Variants in KLF8 observed in about 807,000 individuals in gnomAD.
The protein encoded by KLF8 is Krueppel-like factor 8.
A neutral mutation model predicts 18.2 loss-of-function variants in KLF8; 10 were observed. The observed-to-expected ratio is 0.55, with a 90% CI of 0.34 to 0.93. KLF8 has a LOEUF of 0.93. Ranked by LOEUF, KLF8 falls within the 40% of genes least tolerant of loss-of-function variation. The pLI, the probability that KLF8 is intolerant of heterozygous loss-of-function variation, is 0.02. For synonymous variants in KLF8, 109 were observed against 97.3 expected (o/e 1.12, Z -0.71); for missense variants, 264 against 277.9 (o/e 0.95, Z 0.36).
At chrX:56,129,964 C>A in the KLF8 span, among the ~76,000 whole-genome samples, 1 of 110,760 alleles carries the variant, frequency 9.0e-6, no homozygotes, top group Non-Finnish European at 1.9e-5. Context: ...GGGAGCATTA[C>A]TCCATTGACA....
the KLF8 span, among the ~76,000 whole-genome samples, chrX:55,913,355 A>G: frequency 9.0e-6 from 1 of 111,586 alleles, no homozygotes; most frequent in African/African-American, 3.3e-5. Flanking sequence ...TCAGAATGTG[A>G]CTATTTGGAG....
chrX:56,284,840 T>C lies in KLF8; in HGVS notation c.*346T>C, dbSNP rs1200598166. ...CTCAAGGCTGTGAACAAACATACGC[T>C]GCTTTATTCTTTCCAATTTTTCTCT... On this transcript the variant is annotated 3_prime_UTR_variant, in exon 6 of 6. Coordinates refer to ENST00000468660, the MANE Select transcript of KLF8 (RefSeq NM_007250.5). The C allele has an allele frequency of 5.6e-6, 1 of 179,532 alleles. No individual in the cohort carries two copies. Among genetic ancestry groups the C allele is most frequent in the Non-Finnish European group, 1.0e-5 (1 of 97,473 alleles). 14.8% of individuals were successfully genotyped at this position (179,532 alleles called of 1,213,427 possible). A position where few individuals can be genotyped will look rare whatever the true frequency, so the allele number is the denominator to read the frequency against.
At chrX:56,040,455 C>A in the KLF8 span, among the ~76,000 whole-genome samples, 2 of 110,746 alleles carry the variant, frequency 1.8e-5, no homozygotes, top group South Asian at 7.4e-4. Context: ...ATTTTATCGA[C>A]AGCCTTATCT....
At chrX:56,141,926 T>A in the KLF8 span, among the ~76,000 whole-genome samples, 3 of 112,071 alleles carry the variant, frequency 2.7e-5, no homozygotes, top group Non-Finnish European at 5.6e-5. Context: ...CTCTCATGAA[T>A]GCTATGTTTT....
chrX:56,189,260 A>G, the KLF8 span, among the ~76,000 whole-genome samples: 3 of 112,427 alleles, frequency 2.7e-5, no homozygotes, highest in African/African-American at 9.7e-5. Context: ...GCCAAAAAAC[A>G]CATGAAAAAA....
At chrX:55,929,985 T>C in the KLF8 span, among the ~76,000 whole-genome samples, 2 of 110,930 alleles carry the variant, frequency 1.8e-5, no homozygotes, top group Non-Finnish European at 3.8e-5. Flanking sequence ...TATGGCCATT[T>C]TCACGATATT....
chrX:55,975,151 T>C, the KLF8 span, among the ~76,000 whole-genome samples: 1 of 111,500 alleles, frequency 9.0e-6, no homozygotes, highest in African/African-American at 3.3e-5. Context: ...CAGGGTGGTC[T>C]GGCCTCTGTG....
At chrX:56,248,678 G>T (rs1395865312) in intron 1 of KLF8, among the ~76,000 whole-genome samples, 1 of 111,498 alleles carries the variant, frequency 9.0e-6, no homozygotes, top group Non-Finnish European at 1.9e-5. Flanking sequence ...CTCTCCTGGC[G>T]TTTTGGTGCC....
chrX:56,185,456 T>C, the KLF8 span, among the ~76,000 whole-genome samples: 1 of 111,926 alleles, frequency 8.9e-6, no homozygotes, highest in Non-Finnish European at 1.9e-5. Flanking sequence ...CTCTGCAGGA[T>C]ATTATCCAGG....
the KLF8 span, among the ~76,000 whole-genome samples, chrX:56,099,948 A>G: frequency 1.8e-5 from 2 of 112,462 alleles, no homozygotes; most frequent in East Asian, 5.6e-4. Flanking sequence ...GATAATTGAT[A>G]AAAGTGGCTA....
chrX:56,282,317 C>T (rs2067212264), intron 5 of KLF8, among the ~76,000 whole-genome samples: 1 of 111,995 alleles, frequency 8.9e-6, no homozygotes, highest in African/African-American at 3.2e-5. Flanking sequence ...TGTGGTTGTT[C>T]AGTATCTTTT....
At chrX:56,081,909 C>G in the KLF8 span, among the ~76,000 whole-genome samples, 3 of 111,599 alleles carry the variant, frequency 2.7e-5, no homozygotes, top group Non-Finnish European at 5.7e-5. Context: ...GGATATTTAT[C>G]AATAGTTTTT....
At chrX:56,148,709 T>C in the KLF8 span, among the ~76,000 whole-genome samples, 3 of 111,909 alleles carry the variant, frequency 2.7e-5, no homozygotes, top group African/African-American at 9.7e-5. Context: ...TCTTACATGG[T>C]GGCAGGCAAG....
chrX:56,269,107 G>T (rs1475609970), intron 3 of KLF8: 10 of 926,474 alleles, frequency 1.1e-5, no homozygotes, highest in Non-Finnish European at 1.3e-5. Context: ...ACATCCTAGA[G>T]ACACTCTCAT....
At chrX:55,940,159 C>T in the KLF8 span, among the ~76,000 whole-genome samples, 2 of 111,821 alleles carry the variant, frequency 1.8e-5, no homozygotes, top group Non-Finnish European at 3.8e-5. Flanking sequence ...TCCAGCAACT[C>T]ATCAAAAAGC....
intron 1 of KLF8, among the ~76,000 whole-genome samples, chrX:56,249,777 T>C (rs1013264082): frequency 9.0e-6 from 1 of 111,460 alleles, no homozygotes; most frequent in African/African-American, 3.3e-5. Flanking sequence ...GAGAAAACTG[T>C]TTTTATTACC....
At chrX:55,959,349 C>G in the KLF8 span, among the ~76,000 whole-genome samples, 2 of 112,093 alleles carry the variant, frequency 1.8e-5, no homozygotes, top group African/African-American at 6.5e-5. Flanking sequence ...TCTGGCAACT[C>G]TAAAAACCGA....
At chrX:56,263,698 C>A (rs2066919060) in intron 2 of KLF8, among the ~76,000 whole-genome samples, 1 of 112,239 alleles carries the variant, frequency 8.9e-6, no homozygotes, top group Admixed American at 9.4e-5. Context: ...ACATAATTAT[C>A]ACACCTTAAA....
the KLF8 span, among the ~76,000 whole-genome samples, chrX:56,157,684 T>A: frequency 8.9e-6 from 1 of 112,047 alleles, no homozygotes; most frequent in African/African-American, 3.2e-5. Context: ...TGCATAAATG[T>A]CTTCTTTTGA....
Sources: allele counts gnomAD v4.1 joint callset (sites outside exome capture counted in the v4.1 genomes callset), GRCh38; gene constraint gnomAD v4.1.1; transcripts MANE v1.5; gene names NCBI Gene and HGNC (gene_info 2026-07-23, HGNC 2026-07-21).